CAMK2G: variants seen among roughly 807,000 people sequenced by gnomAD.
CAMK2G encodes calcium/calmodulin dependent protein kinase II gamma, also known as calcium/calmodulin-dependent protein kinase type II subunit gamma.
In CAMK2G, 23 loss-of-function variants were observed where a neutral mutation model predicts 88.7. That is an observed-to-expected ratio of 0.26 (90% CI 0.19 to 0.37). The LOEUF (loss-of-function observed/expected upper bound fraction) is 0.37, where lower values mean the gene tolerates loss of function less well. Among genes scored for constraint, CAMK2G ranks in the 10% least tolerant of loss-of-function variants. The pLI, the probability that CAMK2G is intolerant of heterozygous loss-of-function variation, is 1.00. For synonymous variants in CAMK2G, 263 were observed against 294.8 expected, an observed-to-expected ratio of 0.89 and a Z score of 1.11; for missense variants, 476 against 780.8, an observed-to-expected ratio of 0.61 and a Z score of 4.65.
intron 2 of CAMK2G, among the ~76,000 whole-genome samples, chr10:73,871,228 T>C (rs538245444): frequency 2.0e-5 from 3 of 150,482 alleles, no homozygotes; most frequent in African/African-American, 7.3e-5. Flanking sequence ...AAGATATCCA[T>C]TGGGAAAGAT....
chr10:73,860,743 A>T, intron 3 of CAMK2G, 87 bp downstream of exon 3: 1 of 948,054 alleles, frequency 1.1e-6, no homozygotes, highest in Non-Finnish European at 1.7e-6. Context: ...CCACAGACAG[A>T]GGTGATCCCA....
At chr10:73,841,726 C>T (rs1238423101) in intron 12 of CAMK2G, 1 of 169,400 alleles carries the variant, frequency 5.9e-6, no homozygotes, top group Non-Finnish European at 1.3e-5. Flanking sequence ...TTAGTCATCT[C>T]CACTTGGACA....
chr10:73,835,238 T>TA (rs894902156), intron 14 of CAMK2G, among the ~76,000 whole-genome samples: 1 of 151,752 alleles, frequency 6.6e-6, no homozygotes, highest in Non-Finnish European at 1.5e-5. Context: ...TCTCCCACTG[T>TA]AAACACCTTA....
At chr10:73,874,243 G>A (rs1366874090) in intron 1 of CAMK2G, among the ~76,000 whole-genome samples, 154 bp downstream of exon 1, 1 of 148,538 alleles carries the variant, frequency 6.7e-6, no homozygotes, top group East Asian at 2.1e-4. Flanking sequence ...AGTGCGCGGG[G>A]GGCGCGGGGA....
intron 14 of CAMK2G, among the ~76,000 whole-genome samples, chr10:73,832,868 C>T (rs190584985): frequency 1.3e-5 from 2 of 151,962 alleles, no homozygotes; most frequent in African/African-American, 4.8e-5. Flanking sequence ...TTCTGTCCTG[C>T]GACAGCCTCC....
In CAMK2G at chr10:73,842,416, G is replaced by T; in HGVS notation, c.903+42C>A. On this transcript the variant is annotated intron_variant, in intron 11 of 22. Transcript: ENST00000423381. This position sits in a 1 kb window ranked among gnomAD's most constrained non-coding sequence, Gnocchi z 4.6. ...GGGGCAGGAGCCACACTGGTGCAAG[G>T]CATGATGTCAAGGAGGCTGGCAGCC... The T allele has an allele frequency of 7.0e-7, 1 of 1,428,692 alleles. No individual in the cohort carries two copies. The highest frequency in any genetic ancestry group is 9.9e-7 in the Non-Finnish European group (1 of 1,010,778). The allele number at this position is 1,428,692 out of a possible 1,614,324, so 88.5% of individuals were successfully genotyped here.
intron 14 of CAMK2G, among the ~76,000 whole-genome samples, chr10:73,830,598 T>C (rs2092281180): frequency 6.6e-6 from 1 of 152,246 alleles, no homozygotes; most frequent in African/African-American, 2.4e-5. Flanking sequence ...CCTTTCGTTT[T>C]TCTTGCTTGC....
Position 73,818,536 on chromosome 10 carries a change from C to T in CAMK2G, c.1364-982G>A, listed in dbSNP as rs1440862149. Reference sequence around the variant, plus strand: ...GGAGCAAAAGGCTGCAAGACAACTGCAAGCGTTAGAACAGCACCACCACGG... The same window carrying T: ...GGAGCAAAAGGCTGCAAGACAACTGTAAGCGTTAGAACAGCACCACCACGG... On this transcript the variant is annotated intron_variant, in intron 19 of 22. Coordinates refer to ENST00000423381, the MANE Select transcript of CAMK2G (RefSeq NM_001367534.1). 7 of 368,920 alleles carry T rather than the reference C, an allele frequency of 1.9e-5. No individual in the cohort carries two copies. In the Admixed American group the frequency reaches 2.4e-4, roughly 13 times the overall value. The allele number at this position is 368,920 out of a possible 1,614,324, so 22.9% of individuals were successfully genotyped here.
Position 73,815,147 on chromosome 10 carries a change from G to C in CAMK2G, c.1635C>G (p.Thr545=), listed in dbSNP as rs913586396. 1 of 1,614,228 alleles carries C rather than the reference G, an allele frequency of 6.2e-7. No homozygotes were observed. Among genetic ancestry groups the C allele is most frequent in the Non-Finnish European group, 8.5e-7 (1 of 1,180,024 alleles). The change falls in exon 22 of 23, where the codon ACC becomes ACG. Residue 545 remains threonine (T), a synonymous_variant. Coordinates refer to ENST00000423381, the MANE Select transcript of CAMK2G (RefSeq NM_001367534.1). Reference sequence around the variant, plus strand: ...GCCGACCCTGCCCGTCGATGTACTGGGTGAGGCGGATGTAGGCGATGCACG... The same window carrying C: ...GCCGACCCTGCCCGTCGATGTACTGCGTGAGGCGGATGTAGGCGATGCACG... ...DAACIAYIRL[T]QYIDGQGRPR... is the part of the protein sequence containing the mutation.
At chr10:73,863,395 G>A (rs1181844523) in intron 2 of CAMK2G, among the ~76,000 whole-genome samples, 1 of 152,218 alleles carries the variant, frequency 6.6e-6, no homozygotes, top group African/African-American at 2.4e-5. Flanking sequence ...GCCTTGCCTG[G>A]TGGCTGGGGG....
intron 2 of CAMK2G, 34 bp downstream of exon 2, chr10:73,872,955 C>G (rs756414722): frequency 7.2e-7 from 1 of 1,388,934 alleles, no homozygotes; most frequent in Non-Finnish European, 1.0e-6. Flanking sequence ...CCTGGAGGCA[C>G]CCTCAGGAAG....
intron 2 of CAMK2G, among the ~76,000 whole-genome samples, chr10:73,867,535 C>G (rs990298941): frequency 2.0e-5 from 3 of 152,110 alleles, no homozygotes; most frequent in Non-Finnish European, 4.4e-5. Context: ...CAGCAGCAAG[C>G]AGGGGGGAAG....
chr10:73,860,196 G>T (rs1321953210), intron 3 of CAMK2G, among the ~76,000 whole-genome samples: 1 of 152,234 alleles, frequency 6.6e-6, no homozygotes, highest in African/African-American at 2.4e-5. Context: ...AGAGTGGGTT[G>T]AGGCAGGCAA....
intron 14 of CAMK2G, among the ~76,000 whole-genome samples, chr10:73,834,901 A>C (rs1229707130): frequency 6.6e-6 from 1 of 152,064 alleles, no homozygotes; most frequent in Admixed American, 6.5e-5. Context: ...CTCAACAGTC[A>C]CTGCTTTATT....
At chr10:73,869,373 C>T (rs2095718789) in intron 2 of CAMK2G, among the ~76,000 whole-genome samples, 1 of 152,242 alleles carries the variant, frequency 6.6e-6, no homozygotes, top group African/African-American at 2.4e-5. Flanking sequence ...AGCTAAATGT[C>T]TGCCTACATC....
At chr10:73,826,119 T>C (rs2090853912) in intron 15 of CAMK2G, among the ~76,000 whole-genome samples, 1 of 152,186 alleles carries the variant, frequency 6.6e-6, no homozygotes, top group African/African-American at 2.4e-5. Flanking sequence ...CCACCAGGGA[T>C]ATCTCCTTGC....
At position 73,815,155 on chromosome 10, in the gene CAMK2G, G is replaced by A. The variant is rs755441598; in HGVS notation, c.1627C>T (p.Arg543Cys). 3.7e-6 allele frequency: 6 copies of A among 1,614,232 alleles called. No homozygotes were observed. The highest frequency in any genetic ancestry group is 3.3e-5 in the Admixed American group (2 of 60,038). The change falls in exon 22 of 23, where the codon CGC (arginine) becomes TGC (cysteine). Residue 543 changes from arginine (R) to cysteine (C), a missense_variant. Around this residue, in one of 3 missense-constraint regions of CAMK2G, gnomAD observed 278 missense variants for 366.5 expected, o/e 0.76. Coordinates refer to ENST00000423381, the MANE Select transcript of CAMK2G (RefSeq NM_001367534.1). ...TGCCCGTCGATGTACTGGGTGAGGC[G>A]GATGTAGGCGATGCACGCTGCGTCC... The part of the protein sequence containing the change: ...GEDAACIAYI[R>C]LTQYIDGQGR...
Position 73,839,972 on chromosome 10 carries a change from T to G in CAMK2G, c.947-371A>C, listed in dbSNP as rs548601188. Among the ~76,000 whole-genome samples, 7 of 152,288 alleles carry G rather than the reference T, an allele frequency of 4.6e-5. No individual in the cohort carries two copies. Among genetic ancestry groups the G allele is most frequent in the Admixed American group, 1.3e-4 (2 of 15,302 alleles). ...TAAGGCTGTGATGAAACGCCCTCCCTTCTAGTCCTTCCCTCCCTAGAAGCT... is the reference window on the plus strand; with the variant it reads ...TAAGGCTGTGATGAAACGCCCTCCCGTCTAGTCCTTCCCTCCCTAGAAGCT... On this transcript the variant is annotated intron_variant, in intron 12 of 22. Transcript: ENST00000423381. The surrounding 1 kb of genome is among the most constrained non-coding windows in gnomAD (Gnocchi z 4.2).
chr10:73,868,596 G>A lies in CAMK2G; in HGVS notation c.160+4393C>T, dbSNP rs551806984. Among the ~76,000 whole-genome samples, 15 of 152,252 alleles carry A rather than the reference G, an allele frequency of 9.9e-5. 1 individual carries two copies. Among genetic ancestry groups the A allele is most frequent in the South Asian group, 8.3e-4 (4 of 4,824 alleles). On this transcript the variant is annotated intron_variant, in intron 2 of 22. Transcript: ENST00000423381. ...ATCCTCAGGAGGAAAGCATGGTTTC[G>A]CACACAGCCTCCTTAAATGCTTCCT... is the stretch of plus-strand genomic sequence containing the variant.
Sources: gnomAD v4.1 joint callset for allele counts (sites outside exome capture counted in the v4.1 genomes callset) on GRCh38, gnomAD v4.1.1 for gene constraint, gnomAD v4.1.1 regional missense constraint, Gnocchi (gnomAD v3.1) non-coding constraint, MANE v1.5 for transcripts, NCBI Gene and HGNC (gene_info 2026-07-23, HGNC 2026-07-21) for gene names.